The following BIVM variants were observed in gnomAD, a reference collection of about 807,000 sequenced individuals.
BIVM encodes the protein basic immunoglobulin-like variable motif-containing protein.
BIVM carries 31 observed loss-of-function variants against 61.4 expected under a neutral mutation model. The ratio of observed to expected loss-of-function variants is 0.51; its 90% CI spans 0.38 to 0.68. The LOEUF (loss-of-function observed/expected upper bound fraction) is 0.68. BIVM is among the 30% of genes least tolerant of loss of function. The pLI is 0.00. For synonymous variants in BIVM, 189 were observed against 210.7 expected, an observed-to-expected ratio of 0.90 and a Z score of 0.89; for missense variants, 526 against 596.0, an observed-to-expected ratio of 0.88 and a Z score of 1.22.
At chr13:102,828,397 G>A (rs993930288) in intron 7 of BIVM, among the ~76,000 whole-genome samples, 6 of 152,098 alleles carry the variant, frequency 3.9e-5, no homozygotes, top group African/African-American at 1.4e-4. Flanking sequence ...AGTGGGTATT[G>A]CAGTTCATAA....
In BIVM at chr13:102,831,704, A is replaced by G; in HGVS notation, c.1034+7A>G. 1 of 1,614,038 alleles carries G rather than the reference A, an allele frequency of 6.2e-7. No individual in the cohort carries two copies. Among genetic ancestry groups the G allele is most frequent in the Admixed American group, 1.7e-5 (1 of 59,992 alleles). On this transcript the variant is annotated splice_region_variant and intron_variant, in intron 8 of 10. Transcript: ENST00000257336. ...AAGCTAATAAAGCATTCAGGTAAGC[A>G]TTGACGTGTTTTAGAAAGTGCATTT... is the stretch of plus-strand genomic sequence containing the variant.
rs1566459064 is a variant in BIVM, at chr13:102,839,843, G to A, written c.1490G>A (p.Ser497Asn). The A allele has an allele frequency of 5.6e-6, 9 of 1,612,524 alleles. No homozygotes were observed. Among genetic ancestry groups the A allele is most frequent in the Non-Finnish European group, 6.8e-6 (8 of 1,179,860 alleles). Residue 497 changes from serine (S) to asparagine (N), a missense_variant, in exon 11 of 11, where the codon AGT (serine) becomes AAT (asparagine). Transcript: ENST00000257336. ...AGGAACAGTGGTTACCAGGGTTACA[G>A]TGATTACGATGGGAATGATTGACTA... Reference protein sequence around the residue: ...ERRNSGYQGYSDYDGND With the variant: ...ERRNSGYQGYNDYDGND
rs187808470 is a variant in BIVM, at chr13:102,825,152, A to G, written c.901+2993A>G. Among the ~76,000 whole-genome samples, 450 of 152,110 alleles carry G rather than the reference A, an allele frequency of 3.0e-3. 3 individuals are homozygous for G. Among genetic ancestry groups the G allele is most frequent in the African/African-American group, 0.01 (423 of 41,494 alleles). On this transcript the variant is annotated intron_variant, in intron 7 of 10. Coordinates refer to ENST00000257336, the MANE Select transcript of BIVM (RefSeq NM_017693.4). The stretch of plus-strand genomic sequence containing the variant: ...AGTAGAGATGGGGTTTCACCATGTT[A>G]GCCAGGATGGTCTCGATCTCCTGAC...
chr13:102,826,066 G>A (rs1369861972), intron 7 of BIVM, among the ~76,000 whole-genome samples: 3 of 152,194 alleles, frequency 2.0e-5, no homozygotes, highest in African/African-American at 7.2e-5. Context: ...TTGAGGATAT[G>A]AGTCAGGAGG....
At position 102,807,386 on chromosome 13, in the gene BIVM, C is replaced by A; in HGVS notation, c.119C>A (p.Ala40Asp). 2 of 1,614,162 alleles carry A rather than the reference C, an allele frequency of 1.2e-6. No individual in the cohort carries two copies. Among genetic ancestry groups the A allele is most frequent in the Non-Finnish European group, 1.7e-6 (2 of 1,180,038 alleles). The change falls in exon 3 of 11, where the codon GCC (alanine) becomes GAC (aspartate). Residue 40 changes from alanine to aspartate, a missense_variant. Coordinates refer to ENST00000257336, the MANE Select transcript of BIVM (RefSeq NM_017693.4). The surrounding 1 kb of genome is among the most constrained non-coding windows in gnomAD (Gnocchi z 4.0). ...QGAVKSFCTS[A>D]SGAPLGPKGD... ...GCTGTAAAATCTTTCTGCACAAGTG[C>A]CTCAGGAGCACCCTTGGGTCCCAAA...
At chr13:102,816,674 A>G in intron 4 of BIVM, 120 bp downstream of exon 4, 1 of 936,700 alleles carries the variant, frequency 1.1e-6, no homozygotes, top group South Asian at 3.8e-5. Context: ...TTCTAAAATT[A>G]TTACCAGGAT....
intron 4 of BIVM, chr13:102,820,606 T>G (rs993311983): frequency 1.2e-5 from 2 of 172,034 alleles, no homozygotes; most frequent in African/African-American, 4.8e-5. Flanking sequence ...GGATTTTAGA[T>G]GGACACAGTG....
chr13:102,821,684 G>A, intron 5 of BIVM, 59 bp from the exon 6 acceptor site: 1 of 1,456,830 alleles, frequency 6.9e-7, no homozygotes, highest in Non-Finnish European at 9.5e-7. Context: ...ATTGAGACAG[G>A]CTGTATTTGC....
At chr13:102,806,490 T>A (rs554284576) in intron 2 of BIVM, among the ~76,000 whole-genome samples, 6 of 152,302 alleles carry the variant, frequency 3.9e-5, no homozygotes, top group African/African-American at 1.4e-4. Context: ...CCCCAAGTGA[T>A]CCACCTGCCT....
intron 7 of BIVM, among the ~76,000 whole-genome samples, chr13:102,830,278 C>T (rs777831286): frequency 1.3e-5 from 2 of 152,156 alleles, no homozygotes; most frequent in East Asian, 1.9e-4. Flanking sequence ...CTTCTGCGGC[C>T]GTGGACCTGC....
chr13:102,841,069 T>C lies in BIVM; in HGVS notation c.*1204T>C, dbSNP rs972875678. Reference sequence around the variant, plus strand: ...TTTAAAAATCATATAGACAATTAGCTGTTTGAAGTGAGTATTAAATATTTC... The same window carrying C: ...TTTAAAAATCATATAGACAATTAGCCGTTTGAAGTGAGTATTAAATATTTC... On this transcript the variant is annotated 3_prime_UTR_variant, in exon 11 of 11. Coordinates refer to ENST00000257336, the MANE Select transcript of BIVM (RefSeq NM_017693.4). 1 of 152,642 alleles carries C rather than the reference T, an allele frequency of 6.6e-6. No homozygotes were observed. Among genetic ancestry groups the C allele is most frequent in the Non-Finnish European group, 1.5e-5 (1 of 68,036 alleles). 9.5% of individuals were successfully genotyped at this position (152,642 alleles called of 1,614,324 possible). A position where few individuals can be genotyped will look rare whatever the true frequency, so the allele number is the denominator to read the frequency against.
At chr13:102,815,044 AAAAC>A (rs371478448) in intron 3 of BIVM, among the ~76,000 whole-genome samples, 7,935 of 152,036 alleles carry the variant, frequency 0.052, 232 homozygotes, top group Middle Eastern at 0.078. Context: ...ACCTTGTCTC[AAAAC>A]AAACAAACAA....
At position 102,831,639 on chromosome 13, in the gene BIVM, C is replaced by A. The variant is rs1881076831; in HGVS notation, c.976C>A (p.His326Asn). 3.7e-6 allele frequency: 6 copies of A among 1,613,998 alleles called. No individual in the cohort carries two copies. The highest frequency in any genetic ancestry group is 1.3e-5 in the African/African-American group (1 of 74,894). The change falls in exon 8 of 11, where the codon CAT (histidine) becomes AAT (asparagine). Residue 326 changes from histidine (H) to asparagine (N), a missense_variant. His to Asn is a moderately conservative substitution (Grantham distance 68). Around this residue, in one of 3 missense-constraint regions of BIVM, gnomAD observed 210 missense variants for 233.1 expected, o/e 0.90. Coordinates refer to ENST00000257336, the MANE Select transcript of BIVM (RefSeq NM_017693.4). Reference protein sequence around the residue: ...SLAYIYHCQNHYFCPIGFEAT... With the variant: ...SLAYIYHCQNNYFCPIGFEAT... The stretch of plus-strand genomic sequence containing the variant: ...GGCTTATATCTATCATTGCCAAAAT[C>A]ATTATTTTTGTCCAATTGGCTTCGA...
chr13:102,827,344 T>A (rs1370900512), intron 7 of BIVM, among the ~76,000 whole-genome samples: 1 of 151,908 alleles, frequency 6.6e-6, no homozygotes, highest in Non-Finnish European at 1.5e-5. Flanking sequence ...CATTGAGGAA[T>A]GGGATAAACT....
At chr13:102,830,347 C>T (rs1880979820) in intron 7 of BIVM, among the ~76,000 whole-genome samples, 1 of 152,204 alleles carries the variant, frequency 6.6e-6, no homozygotes, top group African/African-American at 2.4e-5. Flanking sequence ...GAAACTATGA[C>T]TTGCAAGCTT....
chr13:102,819,568 C>G (rs528648567), intron 4 of BIVM, among the ~76,000 whole-genome samples: 1 of 152,096 alleles, frequency 6.6e-6, no homozygotes, highest in African/African-American at 2.4e-5. Flanking sequence ...AACACATGGA[C>G]GTAGGGAGGG....
rs1221633715 is a variant in BIVM at position 102,799,187 on chromosome 13, G to A, written c.-541G>A. The A allele has an allele frequency of 2.7e-6, 1 of 377,306 alleles. No homozygotes were observed. Among genetic ancestry groups the A allele is most frequent in the Non-Finnish European group, 4.7e-6 (1 of 213,310 alleles). 23.4% of individuals were successfully genotyped at this position (377,306 alleles called of 1,614,324 possible). ...CCTCTCGCCCATTTATTTACTTCTC[G>A]GTCACCGCTTTCGGGGGACAGATAA... On this transcript the variant is annotated 5_prime_UTR_variant, in exon 1 of 11. Coordinates refer to ENST00000257336, the MANE Select transcript of BIVM (RefSeq NM_017693.4).
At chr13:102,820,866 G>T (rs889777590) in intron 4 of BIVM, 171 bp from the exon 5 acceptor site, 1 of 590,050 alleles carries the variant, frequency 1.7e-6, no homozygotes, top group African/African-American at 1.9e-5. Flanking sequence ...GTGATTTATT[G>T]TTATTTTATA....
At chr13:102,830,777 A>G (rs765327572) in intron 7 of BIVM, among the ~76,000 whole-genome samples, 40 of 152,204 alleles carry the variant, frequency 2.6e-4, no homozygotes, top group Non-Finnish European at 1.5e-4. Context: ...GTGAAAAGGA[A>G]AAAACTCAGC....
Sources: gnomAD v4.1 joint callset for allele counts (sites outside exome capture counted in the v4.1 genomes callset) on GRCh38, gnomAD v4.1.1 for gene constraint, gnomAD v4.1.1 regional missense constraint, Gnocchi (gnomAD v3.1) non-coding constraint, MANE v1.5 for transcripts, NCBI Gene and HGNC (gene_info 2026-07-23, HGNC 2026-07-21) for gene names.